TMEM179: variants seen among roughly 807,000 people sequenced by gnomAD.
TMEM179 encodes transmembrane protein 179.
Under a neutral mutation model 22.2 loss-of-function variants are expected in TMEM179, and 17 were observed. The observed-to-expected ratio is 0.77, with a 90% CI of 0.52 to 1.15. The LOEUF (loss-of-function observed/expected upper bound fraction) is 1.15, where lower values mean the gene tolerates loss of function less well. TMEM179 is among the 50% of genes most tolerant of loss of function. The pLI is 0.00. For synonymous variants in TMEM179, 127 were observed against 140.5 expected (o/e 0.90, Z 0.68); for missense variants, 265 against 313.6 (o/e 0.84, Z 1.17).
intron 1 of TMEM179, among the ~76,000 whole-genome samples, chr14:104,601,352 A>G (rs1566746099): frequency 6.6e-6 from 1 of 152,108 alleles, no homozygotes; most frequent in Non-Finnish European, 1.5e-5. Flanking sequence ...TTCAACAAAC[A>G]TTATCTGGGG....
intron 3 of TMEM179, chr14:104,594,027 G>T: frequency 8.2e-7 from 1 of 1,224,464 alleles, no homozygotes; most frequent in Non-Finnish European, 1.0e-6. Context: ...AGGAGGGCGG[G>T]TAAACAGCGG....
At chr14:104,594,855 G>A (rs1457686022) in intron 3 of TMEM179, 8 of 1,315,868 alleles carry the variant, frequency 6.1e-6, no homozygotes, top group Non-Finnish European at 7.7e-6. Context: ...CTGATGCCTG[G>A]TTTCGTTTCT....
rs1213192807 is a variant in TMEM179 at position 104,591,435 on chromosome 14, T to C, written c.*2044A>G. ...CTCCGGACTGGAAAGAGTCCCCATG[T>C]CCAGTGGGTCAGGGCTGGAAGGGGA... On this transcript the variant is annotated 3_prime_UTR_variant, in exon 4 of 4. Coordinates refer to ENST00000556573, the MANE Select transcript of TMEM179 (RefSeq NM_001286389.2). The C allele has an allele frequency of 2.2e-6, 1 of 455,866 alleles. No homozygotes were observed. Among genetic ancestry groups the C allele is most frequent in the East Asian group, 7.0e-5 (1 of 14,378 alleles). The allele number at this position is 455,866 out of a possible 1,614,324, so 28.2% of individuals were successfully genotyped here.
In TMEM179 at chr14:104,604,270, G is replaced by A. The variant is rs1345025421; in HGVS notation, c.305+167C>T. On this transcript the variant is annotated intron_variant, in intron 1 of 3. Coordinates refer to ENST00000556573, the MANE Select transcript of TMEM179 (RefSeq NM_001286389.2). The surrounding 1 kb of genome is among the most constrained non-coding windows in gnomAD (Gnocchi z 4.6). ...GTCGTCATGGTCCCTGGATGTGTGT[G>A]TAGACAAAGGGCGGTCTGAGTGGAG... 2.0e-5 allele frequency among the ~76,000 whole-genome samples: 3 copies of A among 152,210 alleles called. No individual in the cohort carries two copies. Among genetic ancestry groups the A allele is most frequent in the Non-Finnish European group, 4.4e-5 (3 of 68,020 alleles).
In TMEM179 at chr14:104,597,547, G is replaced by A. The variant is rs1382574823; in HGVS notation, c.306-420C>T. 6.6e-6 allele frequency among the ~76,000 whole-genome samples: 1 copy of A among 152,184 alleles called. No individual in the cohort carries two copies. Among genetic ancestry groups the A allele is most frequent in the Non-Finnish European group, 1.5e-5 (1 of 68,022 alleles). ...TCCATATGTTCCAGTCCACTGAGGGGTTAGAAAGTGGGGCCTTTGGGAAGA... is the reference window on the plus strand; with the variant it reads ...TCCATATGTTCCAGTCCACTGAGGGATTAGAAAGTGGGGCCTTTGGGAAGA... On this transcript the variant is annotated intron_variant, in intron 1 of 3. Coordinates refer to ENST00000556573, the MANE Select transcript of TMEM179 (RefSeq NM_001286389.2). The surrounding 1 kb of genome is among the most constrained non-coding windows in gnomAD (Gnocchi z 4.8).
chr14:104,602,053 A>G (rs999633723), intron 1 of TMEM179, among the ~76,000 whole-genome samples: 9 of 151,842 alleles, frequency 5.9e-5, no homozygotes, highest in African/African-American at 2.2e-4. Context: ...AGGCCTGCAG[A>G]CTCCCCAGGA....
At chr14:104,603,692 G>A (rs1887320771) in intron 1 of TMEM179, among the ~76,000 whole-genome samples, 1 of 151,916 alleles carries the variant, frequency 6.6e-6, no homozygotes, top group Admixed American at 6.5e-5. Flanking sequence ...CTCACAGAGG[G>A]AGTGGGAGGG....
rs887083827 is a variant in TMEM179 at position 104,592,808 on chromosome 14, GC to G, written c.*670del. 5.9e-5 allele frequency among the ~76,000 whole-genome samples: 9 copies of G among 152,142 alleles called. No individual in the cohort carries two copies. The highest frequency in any genetic ancestry group is 2.2e-4 in the African/African-American group (9 of 41,426). ...CCCCCGAAATCCCCAACCAGATGATGCCCCCGATTCTGTGGAGCCCAGATTA... is the reference window on the plus strand; with the variant it reads ...CCCCCGAAATCCCCAACCAGATGATGCCCCGATTCTGTGGAGCCCAGATTA... On this transcript the variant is annotated 3_prime_UTR_variant, in exon 4 of 4. Transcript: ENST00000556573.
chr14:104,603,800 TG>T (rs1050056731), intron 1 of TMEM179, among the ~76,000 whole-genome samples: 5 of 152,064 alleles, frequency 3.3e-5, no homozygotes, highest in Non-Finnish European at 5.9e-5. Context: ...TGAACCAGGT[TG>T]TATGGGCTCC....
At chr14:104,593,781 C>G (rs1886921811) in intron 3 of TMEM179, 123 bp from the exon 4 acceptor site, 1 of 1,173,126 alleles carries the variant, frequency 8.5e-7, no homozygotes. Context: ...AAGGAGGAGG[C>G]CGGGGACATG....
Position 104,604,675 on chromosome 14 carries a change from C to G in TMEM179, c.67G>C (p.Val23Leu), listed in dbSNP as rs949167262. 1.3e-6 allele frequency: 2 copies of G among 1,598,698 alleles called. No homozygotes were observed. The highest frequency in any genetic ancestry group is 2.8e-5 in the African/African-American group (2 of 72,494). The change falls in exon 1 of 4, where the codon GTG (valine) becomes CTG (leucine). Residue 23 changes from valine to leucine, a missense_variant. Coordinates refer to ENST00000556573, the MANE Select transcript of TMEM179 (RefSeq NM_001286389.2). The surrounding 1 kb of genome is among the most constrained non-coding windows in gnomAD (Gnocchi z 4.6). ...CYFLAFLFSF[V>L]VVVPLSENGH... is the part of the protein sequence containing the mutation. ...TTCTCGGACAGCGGGACCACCACCACGAAGCTGAACAGGAAGGCCAAGAAG... is the reference window on the plus strand; with the variant it reads ...TTCTCGGACAGCGGGACCACCACCAGGAAGCTGAACAGGAAGGCCAAGAAG...
chr14:104,593,427 C>T lies in TMEM179; in HGVS notation c.*52G>A, dbSNP rs1051142122. The T allele has an allele frequency of 2.0e-6, 3 of 1,532,092 alleles. No individual in the cohort carries two copies. Among genetic ancestry groups the T allele is most frequent in the Non-Finnish European group, 2.6e-6 (3 of 1,143,642 alleles). The allele number at this position is 1,532,092 out of a possible 1,614,324, so 94.9% of individuals were successfully genotyped here. A position where few individuals can be genotyped will look rare whatever the true frequency, so the allele number is the denominator to read the frequency against. On this transcript the variant is annotated 3_prime_UTR_variant, in exon 4 of 4. Transcript: ENST00000556573. ...AGCTGCTTCCCCAGGCAGGCCCGTGCCCCCGAGCGCAGCAGGGAGGTCGGG... is the reference window on the plus strand; with the variant it reads ...AGCTGCTTCCCCAGGCAGGCCCGTGTCCCCGAGCGCAGCAGGGAGGTCGGG...
In TMEM179 at chr14:104,603,302, C is replaced by T. The variant is rs148709778; in HGVS notation, c.305+1135G>A. Among the ~76,000 whole-genome samples, 628 of 152,072 alleles carry T rather than the reference C, an allele frequency of 4.1e-3. 7 individuals carry two copies. Among genetic ancestry groups the T allele is most frequent in the African/African-American group, 0.014 (581 of 41,466 alleles). ...AACAGGAGGGCTTCCCCACTCCTGC[C>T]GCCCACACCCCTCTGAGCCCTTCTC... is the stretch of plus-strand genomic sequence containing the variant. On this transcript the variant is annotated intron_variant, in intron 1 of 3. Coordinates refer to ENST00000556573, the MANE Select transcript of TMEM179 (RefSeq NM_001286389.2).
At position 104,595,104 on chromosome 14, in the gene TMEM179, C is replaced by G. The variant is rs748880025; in HGVS notation, c.522+61G>C. On this transcript the variant is annotated intron_variant, in intron 3 of 3. Transcript: ENST00000556573. The surrounding 1 kb of genome is among the most constrained non-coding windows in gnomAD (Gnocchi z 5.7). ...GGATGGGGGAGAGCTCAGCAAATGT[C>G]CAGCAGTAAATGGCCCCCTCCCAGC... is the stretch of plus-strand genomic sequence containing the variant. 4 of 1,610,540 alleles carry G rather than the reference C, an allele frequency of 2.5e-6. No individual in the cohort carries two copies. The highest frequency in any genetic ancestry group is 3.3e-5 in the Admixed American group (2 of 59,718).
chr14:104,603,198 C>T (rs1327023755), intron 1 of TMEM179, among the ~76,000 whole-genome samples: 2 of 152,194 alleles, frequency 1.3e-5, no homozygotes, highest in Admixed American at 6.5e-5. Context: ...GGCTCCCTCC[C>T]TTCTCCCTGA....
At chr14:104,599,963 A>T (rs1887181881) in intron 1 of TMEM179, among the ~76,000 whole-genome samples, 1 of 152,176 alleles carries the variant, frequency 6.6e-6, no homozygotes, top group Admixed American at 6.5e-5. Flanking sequence ...AAAGCCAATT[A>T]TCTGGAGACT....
chr14:104,594,091 T>C (rs1886934288), intron 3 of TMEM179: 1 of 1,233,256 alleles, frequency 8.1e-7, no homozygotes, highest in Non-Finnish European at 1.0e-6. Context: ...TTCCAAACAG[T>C]TGAAGGAGAA....
At chr14:104,594,523 C>A in intron 3 of TMEM179, 3 of 1,231,424 alleles carry the variant, frequency 2.4e-6, no homozygotes, top group Non-Finnish European at 3.0e-6. Context: ...GGGGCAAACC[C>A]AATTCCAGGG....
chr14:104,599,077 C>T (rs919978107), intron 1 of TMEM179, among the ~76,000 whole-genome samples: 5 of 152,204 alleles, frequency 3.3e-5, no homozygotes, highest in East Asian at 1.9e-4. Context: ...GGCAAAAGTT[C>T]GCCAGGATGG....
Sources: gnomAD v4.1 joint callset for allele counts (sites outside exome capture counted in the v4.1 genomes callset) on GRCh38, gnomAD v4.1.1 for gene constraint, Gnocchi (gnomAD v3.1) non-coding constraint, MANE v1.5 for transcripts, NCBI Gene and HGNC (gene_info 2026-07-23, HGNC 2026-07-21) for gene names.